Variants in MYH10 observed in about 807,000 individuals in gnomAD.
MYH10 encodes myosin-10.
Under a neutral mutation model 257.8 loss-of-function variants are expected in MYH10, and 55 were observed. The observed-to-expected ratio is 0.21, with a 90% CI of 0.17 to 0.27. MYH10 has a LOEUF of 0.27. MYH10 is among the 10% of genes least tolerant of loss of function. The pLI is 1.00. For missense variants in MYH10, 1,631 were observed against 2,500.6 expected, an observed-to-expected ratio of 0.65 and a Z score of 7.42; for synonymous variants, 854 against 921.7, an observed-to-expected ratio of 0.93 and a Z score of 1.33.
At position 8,475,524 on chromosome 17, in the gene MYH10, A is replaced by G. The variant is rs139002037; in HGVS notation, c.*280T>C. 127 of 340,078 alleles carry G rather than the reference A, an allele frequency of 3.7e-4. 1 individual carries two copies. Among genetic ancestry groups the G allele is most frequent in the African/African-American group, 2.4e-3 (116 of 47,582 alleles). The allele number at this position is 340,078 out of a possible 1,614,324, so 21.1% of individuals were successfully genotyped here. A position where few individuals can be genotyped will look rare whatever the true frequency, so the allele number is the denominator to read the frequency against. On this transcript the variant is annotated 3_prime_UTR_variant, in exon 43 of 43. Coordinates refer to ENST00000360416, the MANE Select transcript of MYH10 (RefSeq NM_001256012.3). ...AGTTTGTTTTAAAAAGGGTCTTACC[A>G]TGTTTTATAAAATGGTCTCTTGATG...
chr17:8,617,235 G>A (rs890568970), intron 2 of MYH10, among the ~76,000 whole-genome samples: 3 of 152,106 alleles, frequency 2.0e-5, no homozygotes, highest in Non-Finnish European at 4.4e-5. Flanking sequence ...GAGAAGGTCA[G>A]GATATTTATG....
intron 7 of MYH10, among the ~76,000 whole-genome samples, chr17:8,555,563 T>C (rs555481706): frequency 1.2e-3 from 180 of 152,314 alleles, no homozygotes; most frequent in Admixed American, 1.9e-3. Context: ...TAAATGGTGC[T>C]TGAAAAATAT....
rs752829882 is a variant in MYH10, at chr17:8,492,917, C to T, written c.4317G>A (p.Leu1439=). 4.3e-5 allele frequency: 70 copies of T among 1,614,048 alleles called. No individual in the cohort carries two copies. Among genetic ancestry groups the T allele is most frequent in the Non-Finnish European group, 5.8e-5 (68 of 1,180,040 alleles). The change falls in exon 33 of 43, where the codon CTG becomes CTA. Residue 1439 remains leucine, a synonymous_variant. Coordinates refer to ENST00000360416, the MANE Select transcript of MYH10 (RefSeq NM_001256012.3). ...LKDAEALSQR[L]EEKALAYDKL... Reference sequence around the variant, plus strand: ...TGTCATACGCCAGTGCCTTCTCCTCCAGGCGCTGGCTCAGGGCCTCCGCGT... The same window carrying T: ...TGTCATACGCCAGTGCCTTCTCCTCTAGGCGCTGGCTCAGGGCCTCCGCGT...
intron 17 of MYH10, 56 bp from the exon 18 acceptor site, chr17:8,521,341 A>G: frequency 6.4e-7 from 1 of 1,556,286 alleles, no homozygotes; most frequent in East Asian, 2.2e-5. Context: ...GTTAGCAGGG[A>G]AAGAAAAGAC....
rs2081568410 is a variant in MYH10 at position 8,519,102 on chromosome 17, A to G, written c.2274-152T>C. On this transcript the variant is annotated intron_variant, in intron 19 of 42. Transcript: ENST00000360416. ...CATGTTCAAGAAATGAACTGGTGATAATCTGATGTTTTCTGTAGATCTACT... is the reference window on the plus strand; with the variant it reads ...CATGTTCAAGAAATGAACTGGTGATGATCTGATGTTTTCTGTAGATCTACT... 8.6e-6 allele frequency: 5 copies of G among 579,604 alleles called. No homozygotes were observed. The Admixed American group carries it at 1.8e-4, about 21-fold the overall frequency. The allele number at this position is 579,604 out of a possible 1,614,324, so 35.9% of individuals were successfully genotyped here. A position where few individuals can be genotyped will look rare whatever the true frequency, so the allele number is the denominator to read the frequency against.
At chr17:8,547,367 C>T (rs900690473) in intron 11 of MYH10, among the ~76,000 whole-genome samples, 41 of 152,138 alleles carry the variant, frequency 2.7e-4, no homozygotes, top group Admixed American at 2.5e-3. Context: ...GATGGAGGCC[C>T]AACCGCCAAT....
chr17:8,597,769 C>G (rs1239274998), intron 3 of MYH10, among the ~76,000 whole-genome samples: 1 of 97,686 alleles, frequency 1.0e-5, no homozygotes, highest in Non-Finnish European at 2.2e-5. Flanking sequence ...TGCCCGCCAC[C>G]AGGCCCGGCT....
chr17:8,576,752 A>C (rs2083511597), intron 5 of MYH10, 80 bp from the exon 6 acceptor site: 1 of 1,379,842 alleles, frequency 7.2e-7, no homozygotes. Context: ...CAAAGCACCA[A>C]GCCAATGTGC....
Position 8,545,677 on chromosome 17 carries a change from AT to A in MYH10, c.1279-78del. On this transcript the variant is annotated intron_variant, in intron 12 of 42. Coordinates refer to ENST00000360416, the MANE Select transcript of MYH10 (RefSeq NM_001256012.3). The surrounding 1 kb of genome is among the most constrained non-coding windows in gnomAD (Gnocchi z 4.7). ...ATAAATAGCTGTTTTACGGAATTTA[AT>A]GTTATACAGCACTCAAAAAACCTGA... 1 of 1,477,674 alleles carries A rather than the reference AT, an allele frequency of 6.8e-7. No homozygotes were observed. The highest frequency in any genetic ancestry group is 1.3e-5 in the South Asian group (1 of 79,212). The allele number at this position is 1,477,674 out of a possible 1,614,324, so 91.5% of individuals were successfully genotyped here. A position where few individuals can be genotyped will look rare whatever the true frequency, so the allele number is the denominator to read the frequency against.
intron 29 of MYH10, among the ~76,000 whole-genome samples, chr17:8,500,212 C>T (rs1917303606): frequency 6.6e-6 from 1 of 152,088 alleles, no homozygotes; most frequent in Non-Finnish European, 1.5e-5. Context: ...GATGGAGAAA[C>T]TGGAGCAAGA....
At chr17:8,561,264 A>G (rs2082983898) in intron 7 of MYH10, 1 of 987,828 alleles carries the variant, frequency 1.0e-6, no homozygotes, top group East Asian at 2.4e-5. Context: ...GGTCGTGCTG[A>G]AAAGGGCCGC....
chr17:8,608,638 T>C (rs577059004), intron 2 of MYH10, among the ~76,000 whole-genome samples: 1 of 152,276 alleles, frequency 6.6e-6, no homozygotes, highest in African/African-American at 2.4e-5. Context: ...AAAGGTTAAG[T>C]TTGCATAATA....
intron 2 of MYH10, among the ~76,000 whole-genome samples, chr17:8,612,724 G>C (rs905442576): frequency 6.6e-6 from 1 of 152,116 alleles, no homozygotes; most frequent in African/African-American, 2.4e-5. Context: ...GGTGGCGCAC[G>C]CCTGTAATCC....
intron 7 of MYH10, 90 bp from the exon 8 acceptor site, chr17:8,554,108 T>A: frequency 1.1e-6 from 1 of 886,456 alleles, no homozygotes; most frequent in Non-Finnish European, 1.8e-6. Flanking sequence ...CAAGTATCCA[T>A]GAATTAGTTA....
Position 8,487,652 on chromosome 17 carries a change from G to A in MYH10, c.4885-58C>T. ...ATCCAAGTATCTGCTCGCAGAACAGGCAGACTGTTCTCAAGTGGGGGGCTC... is the reference window on the plus strand; with the variant it reads ...ATCCAAGTATCTGCTCGCAGAACAGACAGACTGTTCTCAAGTGGGGGGCTC... On this transcript the variant is annotated intron_variant, in intron 35 of 42. Transcript: ENST00000360416. 1.9e-6 allele frequency: 3 copies of A among 1,594,870 alleles called. No homozygotes were observed. In the Admixed American group the frequency reaches 5.0e-5, roughly 27 times the overall value.
At chr17:8,513,437 TG>T (rs2081362920) in intron 23 of MYH10, 100 bp downstream of exon 23, 3 of 1,494,396 alleles carry the variant, frequency 2.0e-6, no homozygotes, top group Non-Finnish European at 2.7e-6. Context: ...GATGATATGG[TG>T]GGTACAGCTA....
At chr17:8,589,403 C>T (rs1231521433) in intron 3 of MYH10, among the ~76,000 whole-genome samples, 1 of 152,148 alleles carries the variant, frequency 6.6e-6, no homozygotes, top group African/African-American at 2.4e-5. Context: ...TCAAACCCTG[C>T]CGCATACAAA....
At chr17:8,530,745 G>C in intron 16 of MYH10, 60 bp from the exon 17 acceptor site, 1 of 1,306,958 alleles carries the variant, frequency 7.7e-7, no homozygotes, top group Non-Finnish European at 1.1e-6. Flanking sequence ...ACTTCAGTTA[G>C]TGTGAAAGAC....
chr17:8,622,835 A>G (rs1323047472), intron 2 of MYH10, 67 bp downstream of exon 2: 12 of 1,516,862 alleles, frequency 7.9e-6, no homozygotes, highest in African/African-American at 1.4e-5. Flanking sequence ...TTTGATTATG[A>G]CAAGATGTAT....
Sources: gnomAD v4.1 joint callset for allele counts (sites outside exome capture counted in the v4.1 genomes callset) on GRCh38, gnomAD v4.1.1 for gene constraint, Gnocchi (gnomAD v3.1) non-coding constraint, MANE v1.5 for transcripts, NCBI Gene and HGNC (gene_info 2026-07-23, HGNC 2026-07-21) for gene names.